The following PPL variants were observed in gnomAD, a reference collection of about 807,000 sequenced individuals.
PPL encodes the protein periplakin.
In PPL, 198 loss-of-function variants were observed where a neutral mutation model predicts 194.4. The observed-to-expected ratio is 1.02, with a 90% CI of 0.91 to 1.15. The LOEUF is 1.15. PPL is among the 50% of genes most tolerant of loss of function. The probability of loss-of-function intolerance (pLI) is 0.00; values close to 1 mark genes in which losing one functional copy is unlikely to be tolerated. For synonymous variants in PPL, 1,220 were observed against 972.4 expected (o/e 1.25, Z -4.74); for missense variants, 2,885 against 2,294.8 (o/e 1.26, Z -5.25).
At chr16:4,915,015 C>T (rs927032956) in intron 1 of PPL, among the ~76,000 whole-genome samples, 23 of 152,214 alleles carry the variant, frequency 1.5e-4, no homozygotes, top group African/African-American at 5.5e-4. Context: ...CTCTGCAGTG[C>T]ATCGTTAGGG....
chr16:4,882,942 C>T lies in PPL; in HGVS notation c.*442G>A, dbSNP rs2088127537. 5.1e-6 allele frequency: 1 copy of T among 194,382 alleles called. No homozygotes were observed. Among genetic ancestry groups the T allele is most frequent in the Admixed American group, 5.8e-5 (1 of 17,270 alleles). 12.0% of individuals were successfully genotyped at this position (194,382 alleles called of 1,614,324 possible). On this transcript the variant is annotated 3_prime_UTR_variant, in exon 22 of 22. Coordinates refer to ENST00000345988, the MANE Select transcript of PPL (RefSeq NM_002705.5). Reference sequence around the variant, plus strand: ...TTAAGCCAGAAATCTGGAGAGATGTCATGCCAGGCAGCAGCCCCCACGGGC... The same window carrying T: ...TTAAGCCAGAAATCTGGAGAGATGTTATGCCAGGCAGCAGCCCCCACGGGC...
At chr16:4,925,754 G>A (rs1215200264) in intron 1 of PPL, among the ~76,000 whole-genome samples, 1 of 152,084 alleles carries the variant, frequency 6.6e-6, no homozygotes, top group African/African-American at 2.4e-5. Flanking sequence ...GCCAAGATTC[G>A]AACCCATGAA....
At position 4,924,147 on chromosome 16, in the gene PPL, C is replaced by T. The variant is rs961407827; in HGVS notation, c.62+12837G>A. Among the ~76,000 whole-genome samples the T allele has an allele frequency of 4.6e-5, 7 of 152,100 alleles. 1 individual carries two copies. Among genetic ancestry groups the T allele is most frequent in the Admixed American group, 4.6e-4 (7 of 15,276 alleles). Reference sequence around the variant, plus strand: ...TGTTCAACAGAAACTGAACCTGAGCCACACAGAATTTACATTTTTCTAGTA... The same window carrying T: ...TGTTCAACAGAAACTGAACCTGAGCTACACAGAATTTACATTTTTCTAGTA... On this transcript the variant is annotated intron_variant, in intron 1 of 21. Transcript: ENST00000345988.
intron 12 of PPL, 151 bp downstream of exon 12, chr16:4,894,316 C>T: frequency 1.0e-6 from 1 of 986,872 alleles, no homozygotes; most frequent in Non-Finnish European, 1.5e-6. Context: ...TGCCCCTCTC[C>T]TGCATGAACT....
chr16:4,901,982 C>T (rs1449822406), intron 4 of PPL, among the ~76,000 whole-genome samples: 3 of 142,342 alleles, frequency 2.1e-5, no homozygotes, highest in Admixed American at 6.8e-5. Flanking sequence ...ATAAATAAAA[C>T]TGGGGAAGCT....
At position 4,899,329 on chromosome 16, in the gene PPL, C is replaced by T. The variant is rs373692481; in HGVS notation, c.662G>A (p.Arg221His). ...HLSSLQDYMQRCTNELYWLDQ... is the reference protein window; with the variant it reads ...HLSSLQDYMQHCTNELYWLDQ... ...CAGCCAGTACAGCTCATTGGTGCAG[C>T]GCTGCATGTAGTCCTGCAGCGAACT... Residue 221 changes from arginine (R) to histidine (H), a missense_variant, in exon 7 of 22, where the codon CGC (arginine) becomes CAC (histidine). By Grantham distance (29) the Arg-to-His change is conservative (BLOSUM62 0). Transcript: ENST00000345988. The T allele has an allele frequency of 1.5e-5, 25 of 1,613,318 alleles. No homozygotes were observed. Among genetic ancestry groups the T allele is most frequent in the Non-Finnish European group, 1.9e-5 (23 of 1,179,922 alleles).
chr16:4,917,494 C>T (rs2088948021), intron 1 of PPL, among the ~76,000 whole-genome samples: 1 of 152,086 alleles, frequency 6.6e-6, no homozygotes, highest in Admixed American at 6.6e-5. Context: ...TGCCATGGCC[C>T]AGGAGGATGT....
chr16:4,893,815 C>T, intron 12 of PPL, 177 bp from the exon 13 acceptor site: 3 of 587,806 alleles, frequency 5.1e-6, no homozygotes, highest in African/African-American at 3.7e-5. Flanking sequence ...GCTCAGAGCT[C>T]TTCTCCCTCC....
At chr16:4,899,433 C>A (rs374613516) in intron 6 of PPL, 49 bp from the exon 7 acceptor site, 9 of 1,192,932 alleles carry the variant, frequency 7.5e-6, no homozygotes, top group South Asian at 1.5e-5. Context: ...CCCGCTGCCA[C>A]TGCTCGCTTC....
At chr16:4,904,190 C>A (rs1029319660) in intron 2 of PPL, 150 bp from the exon 3 acceptor site, 2 of 815,776 alleles carry the variant, frequency 2.5e-6, no homozygotes, top group African/African-American at 1.7e-5. Context: ...GGAGCGCAGT[C>A]GGTAGTTCCA....
At chr16:4,903,279 G>A (rs2088613911) in intron 3 of PPL, among the ~76,000 whole-genome samples, 3 of 152,114 alleles carry the variant, frequency 2.0e-5, no homozygotes, top group Non-Finnish European at 4.4e-5. Context: ...AGCCAAGGAA[G>A]CCAGGGACAG....
chr16:4,893,251 C>T lies in PPL; in HGVS notation c.1612G>A (p.Ala538Thr). The T allele has an allele frequency of 1.3e-6, 2 of 1,591,736 alleles. No individual in the cohort carries two copies. The highest frequency in any genetic ancestry group is 1.7e-6 in the Non-Finnish European group (2 of 1,172,854). Reference sequence around the variant, plus strand: ...GCCCGCTCGGCACTGTCCTGCACAGCCCGGCCTTGCTCCAGTGGTGGCCGC... The same window carrying T: ...GCCCGCTCGGCACTGTCCTGCACAGTCCGGCCTTGCTCCAGTGGTGGCCGC... ...ILRPPLEQGR[A>T]VQDSAERAKD... Residue 538 changes from alanine (A) to threonine (T), a missense_variant, in exon 14 of 22, where the codon GCT becomes ACT. Coordinates refer to ENST00000345988, the MANE Select transcript of PPL (RefSeq NM_002705.5).
At chr16:4,911,810 T>C (rs185228529) in intron 1 of PPL, among the ~76,000 whole-genome samples, 85 of 152,214 alleles carry the variant, frequency 5.6e-4, no homozygotes, top group African/African-American at 2.0e-3. Flanking sequence ...AGTGCTGGGA[T>C]TACAGATGTC....
At chr16:4,888,275 C>G (rs2088251283) in intron 19 of PPL, 57 bp from the exon 20 acceptor site, 1 of 1,305,222 alleles carries the variant, frequency 7.7e-7, no homozygotes, top group South Asian at 1.2e-5. Context: ...AAGAGACAGA[C>G]ATGTTCCTGT....
intron 1 of PPL, among the ~76,000 whole-genome samples, chr16:4,918,326 T>C (rs563631763): frequency 7.4e-5 from 11 of 147,772 alleles, no homozygotes; most frequent in Non-Finnish European, 1.5e-4. Context: ...CATTTAGAAA[T>C]GACAGGGGTT....
intron 1 of PPL, among the ~76,000 whole-genome samples, chr16:4,918,217 C>T (rs1236890208): frequency 6.7e-6 from 1 of 149,604 alleles, no homozygotes; most frequent in African/African-American, 2.5e-5. Context: ...TGCTTGAACC[C>T]GGGAGGTGGA....
At chr16:4,887,059 AT>A in intron 21 of PPL, 75 bp downstream of exon 21, 1 of 1,257,116 alleles carries the variant, frequency 8.0e-7, no homozygotes, top group Non-Finnish European at 1.2e-6. Context: ...TTCACAAACC[AT>A]TTCTCTAAGA....
In PPL at chr16:4,909,462, T is replaced by C. The variant is rs576990065; in HGVS notation, c.162+1388A>G. ...TTTTTTTTTTGAGACAGTCTTACTC[T>C]GTTGCCCAGGCTGGAGCGCAGTGGC... is the stretch of plus-strand genomic sequence containing the variant. On this transcript the variant is annotated intron_variant, in intron 2 of 21. Transcript: ENST00000345988. 2.7e-5 allele frequency among the ~76,000 whole-genome samples: 4 copies of C among 145,900 alleles called. No individual in the cohort carries two copies. The South Asian group carries it at 8.7e-4, about 32-fold the overall frequency.
chr16:4,916,281 C>T (rs988489224), intron 1 of PPL, among the ~76,000 whole-genome samples: 6 of 145,806 alleles, frequency 4.1e-5, no homozygotes, highest in Admixed American at 1.4e-4. Flanking sequence ...GGCATGATCT[C>T]GGCTCACTCA....
Sources: gnomAD v4.1 joint callset for allele counts (sites outside exome capture counted in the v4.1 genomes callset) on GRCh38, gnomAD v4.1.1 for gene constraint, MANE v1.5 for transcripts, NCBI Gene and HGNC (gene_info 2026-07-23, HGNC 2026-07-21) for gene names.